The following PTP4A1 variants were observed in gnomAD, a reference collection of about 807,000 sequenced individuals.
The protein encoded by PTP4A1 is protein tyrosine phosphatase 4A1.
Under a neutral mutation model 20.5 loss-of-function variants are expected in PTP4A1, and 9 were observed. The ratio of observed to expected loss-of-function variants is 0.44; its 90% CI spans 0.26 to 0.77. The LOEUF (loss-of-function observed/expected upper bound fraction) is 0.77. Ranked by LOEUF, PTP4A1 falls within the 30% of genes least tolerant of loss-of-function variation. PTP4A1 has a pLI of 0.19. For missense variants in PTP4A1, 137 were observed against 218.8 expected (o/e 0.63, Z 2.36); for synonymous variants, 78 against 67.4 (o/e 1.16, Z -0.77).
intron 1 of PTP4A1, among the ~76,000 whole-genome samples, chr6:63,526,145 T>C (rs1038060041): frequency 2.0e-5 from 3 of 151,854 alleles, no homozygotes; most frequent in African/African-American, 7.3e-5. Flanking sequence ...GCCAACATGG[T>C]GAAATCCCGT....
rs931615716 is a variant in PTP4A1, at chr6:63,581,747, G to A, written c.*1573G>A. The A allele has an allele frequency of 2.0e-5, 3 of 152,132 alleles. No individual in the cohort carries two copies. The highest frequency in any genetic ancestry group is 2.9e-5 in the Non-Finnish European group (2 of 67,988). The allele number at this position is 152,132 out of a possible 1,614,324, so 9.4% of individuals were successfully genotyped here. A position where few individuals can be genotyped will look rare whatever the true frequency, so the allele number is the denominator to read the frequency against. On this transcript the variant is annotated 3_prime_UTR_variant, in exon 6 of 6. Transcript: ENST00000626021. ...GGACAGCCTTGGTTTGTAAAGCTCA[G>A]TTCCACTAGTTCATGGTTTTGTGCA...
At chr6:63,574,406 A>G (rs560212820) in intron 1 of PTP4A1, among the ~76,000 whole-genome samples, 1 of 152,308 alleles carries the variant, frequency 6.6e-6, no homozygotes, top group Non-Finnish European at 1.5e-5. Context: ...TCCTGTGGGT[A>G]GGAGATTGGG....
chr6:63,564,854 T>G (rs1777118956), intron 3 of PTP4A1, among the ~76,000 whole-genome samples: 1 of 152,184 alleles, frequency 6.6e-6, no homozygotes. Context: ...AAGAAGAGTC[T>G]TCTCAAACTA....
chr6:63,518,852 A>C (rs971920416), upstream of PTP4A1, among the ~76,000 whole-genome samples: 1 of 152,258 alleles, frequency 6.6e-6, no homozygotes, highest in African/African-American at 2.4e-5. Flanking sequence ...TTCAAAGAAA[A>C]GGTAACTCTT....
At chr6:63,523,014 G>A (rs1470993069) in intron 1 of PTP4A1, among the ~76,000 whole-genome samples, 2 of 152,026 alleles carry the variant, frequency 1.3e-5, no homozygotes, top group Non-Finnish European at 2.9e-5. Context: ...ACAGGCATGT[G>A]CCACCACGCT....
rs182196344 is a variant in PTP4A1 at position 63,525,798 on chromosome 6, C to A, written c.-905-2021C>A. ...TGTCAGTCCTCCAATATCTATATAA[C>A]TAAATTTCCCTGTGTAAATTATCTC... On this transcript the variant is annotated intron_variant, in intron 1 of 3. Transcript: ENST00000639568. Among the ~76,000 whole-genome samples, 10 of 152,328 alleles carry A rather than the reference C, an allele frequency of 6.6e-5. No homozygotes were observed. In the East Asian group the frequency reaches 1.5e-3, roughly 23 times the overall value.
upstream of PTP4A1, among the ~76,000 whole-genome samples, chr6:63,518,174 A>T (rs1425439754): frequency 6.6e-6 from 1 of 151,522 alleles, no homozygotes; most frequent in Non-Finnish European, 1.5e-5. Flanking sequence ...AAAAAAAAAA[A>T]TCTCAGTAGG....
intron 2 of PTP4A1, chr6:63,548,857 G>A: frequency 1.3e-6 from 1 of 763,782 alleles, no homozygotes; most frequent in East Asian, 2.4e-5. Flanking sequence ...GCTCCCACTA[G>A]CTTAGCCAAA....
chr6:63,534,738 A>G (rs1775633031), intron 2 of PTP4A1, among the ~76,000 whole-genome samples: 1 of 122,072 alleles, frequency 8.2e-6, no homozygotes, highest in African/African-American at 3.1e-5. Context: ...ACCTGAGGTC[A>G]GGAGTTCGAG....
chr6:63,526,714 T>TCTTGAATC (rs2149474598), intron 1 of PTP4A1, among the ~76,000 whole-genome samples: 1 of 150,146 alleles, frequency 6.7e-6, no homozygotes, highest in East Asian at 2.0e-4. Context: ...AGGCTGCATT[T>TCTTGAATC]CTTGAATCTG....
upstream of PTP4A1, among the ~76,000 whole-genome samples, chr6:63,570,119 T>C (rs1434034027): frequency 2.0e-5 from 3 of 152,146 alleles, no homozygotes; most frequent in African/African-American, 7.2e-5. Flanking sequence ...CAGGCAGATC[T>C]CTTGAGGTCA....
chr6:63,568,141 G>A (rs1470604997), upstream of PTP4A1, among the ~76,000 whole-genome samples: 2 of 152,242 alleles, frequency 1.3e-5, no homozygotes, highest in Non-Finnish European at 2.9e-5. Context: ...GTTCACTGGA[G>A]TGGCACTTTT....
intron 1 of PTP4A1, among the ~76,000 whole-genome samples, chr6:63,576,111 A>G (rs1777849492): frequency 6.7e-6 from 1 of 149,966 alleles, no homozygotes. Context: ...GATAGTATAT[A>G]TACAGAGAAT....
chr6:63,535,338 C>G (rs1445502546), intron 2 of PTP4A1, among the ~76,000 whole-genome samples: 1 of 152,046 alleles, frequency 6.6e-6, no homozygotes, highest in African/African-American at 2.4e-5. Flanking sequence ...TAGTGGCATG[C>G]TTGTAATCCC....
intron 2 of PTP4A1, among the ~76,000 whole-genome samples, chr6:63,539,848 T>C (rs1775880694): frequency 1.3e-5 from 2 of 152,144 alleles, no homozygotes; most frequent in South Asian, 2.1e-4. Flanking sequence ...TGTGAAGATA[T>C]GTTTAAACTT....
At chr6:63,517,892 G>C (rs894476218), upstream of PTP4A1, among the ~76,000 whole-genome samples, 6 of 152,022 alleles carry the variant, frequency 3.9e-5, no homozygotes, top group African/African-American at 1.4e-4. Flanking sequence ...GGTGGCTCAC[G>C]CCTGCAATCC....
chr6:63,527,860 A>G (rs1219008215), exon 2 of PTP4A1: 1 of 152,350 alleles, frequency 6.6e-6, no homozygotes, highest in East Asian at 1.9e-4. Context: ...AGGGTGACTC[A>G]TAATTCCCAG....
At chr6:63,533,641 G>T (rs1282762780) in intron 2 of PTP4A1, among the ~76,000 whole-genome samples, 1 of 152,056 alleles carries the variant, frequency 6.6e-6, no homozygotes, top group Non-Finnish European at 1.5e-5. Context: ...TAAATTTACA[G>T]ATAATAGCAA....
At chr6:63,557,322 T>G (rs2149493471) in intron 3 of PTP4A1, among the ~76,000 whole-genome samples, 1 of 152,244 alleles carries the variant, frequency 6.6e-6, no homozygotes, top group South Asian at 2.1e-4. Context: ...TCCCAGAACT[T>G]TGGGAGGCCA....
Sources: gnomAD v4.1 joint callset for allele counts (sites outside exome capture counted in the v4.1 genomes callset) on GRCh38, gnomAD v4.1.1 for gene constraint, MANE v1.5 for transcripts, NCBI Gene and HGNC (gene_info 2026-07-23, HGNC 2026-07-21) for gene names.